The following LY86 variants were observed in gnomAD, a reference collection of about 807,000 sequenced individuals.
LY86 encodes MD-1, RP105-associated.
A neutral mutation model predicts 17.3 loss-of-function variants in LY86; 20 were observed. The ratio of observed to expected loss-of-function variants is 1.15; its 90% CI spans 0.81 to 1.68. LY86 has a LOEUF of 1.68. Among genes scored for constraint, LY86 ranks in the 40% most tolerant of loss-of-function variants. The pLI, the probability that LY86 is intolerant of heterozygous loss-of-function variation, is 0.00. For synonymous variants in LY86, 74 were observed against 70.6 expected, an observed-to-expected ratio of 1.05 and a Z score of -0.24; for missense variants, 200 against 191.9, an observed-to-expected ratio of 1.04 and a Z score of -0.25.
At chr6:6,606,619 G>C (rs9504869) in intron 1 of LY86, among the ~76,000 whole-genome samples, 13 of 152,288 alleles carry the variant, frequency 8.5e-5, no homozygotes, top group Non-Finnish European at 1.3e-4. Flanking sequence ...CCTGCCACGC[G>C]GGGAGGAAGC....
chr6:6,605,023 G>A (rs913502539), intron 1 of LY86, among the ~76,000 whole-genome samples: 5 of 140,276 alleles, frequency 3.6e-5, no homozygotes, highest in African/African-American at 9.9e-5. Context: ...GTAAGTAAAA[G>A]ACTTTGGAGA....
intron 3 of LY86, among the ~76,000 whole-genome samples, chr6:6,639,005 A>C (rs1320394354): frequency 6.6e-6 from 1 of 152,102 alleles, no homozygotes; most frequent in Non-Finnish European, 1.5e-5. Flanking sequence ...TATTCACAAT[A>C]GCAAAGACTT....
chr6:6,634,066 G>A (rs1341528801), intron 3 of LY86, among the ~76,000 whole-genome samples: 1 of 152,180 alleles, frequency 6.6e-6, no homozygotes, highest in Non-Finnish European at 1.5e-5. Context: ...CGAGAGAGGT[G>A]CAGAAGATAA....
intron 1 of LY86, among the ~76,000 whole-genome samples, chr6:6,611,975 A>ATAG (rs1385717099): frequency 2.7e-4 from 26 of 97,262 alleles, no homozygotes; most frequent in African/African-American, 1.3e-3. Flanking sequence ...TTGAAAGGAT[A>ATAG]TCTACCCCCT....
intron 3 of LY86, among the ~76,000 whole-genome samples, chr6:6,633,607 C>A (rs1310163350): frequency 6.6e-6 from 1 of 152,060 alleles, no homozygotes; most frequent in African/African-American, 2.4e-5. Context: ...TCCAACAGAC[C>A]CCAGTGTGTG....
intron 4 of LY86, among the ~76,000 whole-genome samples, chr6:6,653,471 G>A (rs1338629617): frequency 2.6e-5 from 4 of 152,120 alleles, no homozygotes; most frequent in Non-Finnish European, 5.9e-5. Flanking sequence ...ACACATCACC[G>A]CTCCGTGGCT....
chr6:6,644,004 T>C (rs1262077250), intron 3 of LY86, among the ~76,000 whole-genome samples: 1 of 152,246 alleles, frequency 6.6e-6, no homozygotes, highest in Non-Finnish European at 1.5e-5. Flanking sequence ...GATATGCCAA[T>C]TGGCCTAGGC....
intron 1 of LY86, among the ~76,000 whole-genome samples, chr6:6,605,618 C>T (rs973640579): frequency 7.2e-5 from 11 of 152,280 alleles, no homozygotes; most frequent in African/African-American, 1.7e-4. Flanking sequence ...AGCCTCATCT[C>T]AGAAGCAACA....
At position 6,648,974 on chromosome 6, in the gene LY86, C is replaced by T. The variant is rs78665433; in HGVS notation, c.353-651C>T. On this transcript the variant is annotated intron_variant, in intron 3 of 4. Transcript: ENST00000230568. ...GTTTAGTTATTTCTGAATCATCATT[C>T]TCCTCAGTAGAATATGCATTAGTTC... is the stretch of plus-strand genomic sequence containing the variant. Among the ~76,000 whole-genome samples the T allele has an allele frequency of 1.0e-2, 1,518 of 152,252 alleles. 20 individuals are homozygous for T. Among genetic ancestry groups the T allele is most frequent in the African/African-American group, 0.035 (1,437 of 41,528 alleles).
intron 1 of LY86, among the ~76,000 whole-genome samples, chr6:6,617,291 G>A (rs1031240438): frequency 2.0e-5 from 3 of 152,144 alleles, no homozygotes; most frequent in Admixed American, 1.3e-4. Flanking sequence ...AGTGTCCAGC[G>A]CATATTAGAC....
chr6:6,631,187 G>A (rs986887323), intron 3 of LY86, among the ~76,000 whole-genome samples: 5 of 152,132 alleles, frequency 3.3e-5, no homozygotes, highest in African/African-American at 1.2e-4. Flanking sequence ...ATCTCTAGGA[G>A]TGAGAGCCAA....
intron 3 of LY86, among the ~76,000 whole-genome samples, chr6:6,644,909 A>G (rs1031032913): frequency 4.6e-5 from 7 of 152,182 alleles, no homozygotes; most frequent in Non-Finnish European, 1.0e-4. Flanking sequence ...AGGTTAAAAA[A>G]AAAGACAATT....
intron 1 of LY86, among the ~76,000 whole-genome samples, chr6:6,590,118 TAAAAA>T (rs34637229): frequency 6.2e-5 from 5 of 80,586 alleles, no homozygotes; most frequent in African/African-American, 1.0e-4. Flanking sequence ...AACTCTGTCT[TAAAAA>T]AAAAAAAAAA....
chr6:6,650,447 G>A (rs950692654), intron 4 of LY86, among the ~76,000 whole-genome samples: 4 of 150,818 alleles, frequency 2.7e-5, no homozygotes, highest in South Asian at 2.1e-4. Context: ...CTATTCTTCC[G>A]CCTCAGCCTC....
Position 6,622,328 on chromosome 6 carries a change from A to G in LY86, c.137-2598A>G, listed in dbSNP as rs79850269. ...TATAGCTGCTAATCAACAACACAAT[A>G]CGTACTTAGCCTCTTTTATTTTGCC... On this transcript the variant is annotated intron_variant, in intron 1 of 4. Coordinates refer to ENST00000230568, the MANE Select transcript of LY86 (RefSeq NM_004271.4). Among the ~76,000 whole-genome samples, 704 of 152,342 alleles carry G rather than the reference A, an allele frequency of 4.6e-3. 1 individual carries two copies. The highest frequency in any genetic ancestry group is 6.8e-3 in the Middle Eastern group (2 of 294).
intron 1 of LY86, among the ~76,000 whole-genome samples, chr6:6,613,148 C>CA (rs1474267225): frequency 1.3e-5 from 2 of 152,266 alleles, no homozygotes; most frequent in African/African-American, 4.8e-5. Context: ...GGTGTGTTTA[C>CA]AATCCCTTAG....
intron 4 of LY86, among the ~76,000 whole-genome samples, chr6:6,651,330 C>T (rs964166645): frequency 1.6e-4 from 24 of 152,200 alleles, no homozygotes; most frequent in Admixed American, 1.6e-3. Flanking sequence ...GGGTTTGTTT[C>T]CTTTCTTTCC....
intron 4 of LY86, among the ~76,000 whole-genome samples, chr6:6,652,149 GA>G (rs2113168636): frequency 6.7e-6 from 1 of 149,848 alleles, no homozygotes; most frequent in African/African-American, 2.4e-5. Flanking sequence ...AGGAAGTGCA[GA>G]ACGTAAGTTC....
intron 2 of LY86, among the ~76,000 whole-genome samples, chr6:6,625,622 G>T (rs1761772011): frequency 6.6e-6 from 1 of 152,308 alleles, no homozygotes; most frequent in African/African-American, 2.4e-5. Flanking sequence ...AAGTAGAGAG[G>T]TTTAATAAAC....
Sources: gnomAD v4.1 joint callset for allele counts (sites outside exome capture counted in the v4.1 genomes callset) on GRCh38, gnomAD v4.1.1 for gene constraint, MANE v1.5 for transcripts, NCBI Gene and HGNC (gene_info 2026-07-23, HGNC 2026-07-21) for gene names.